SLC44A5: variants seen among roughly 807,000 people sequenced by gnomAD.
SLC44A5 encodes solute carrier family 44 member 5, also known as choline transporter-like protein 5.
Under a neutral mutation model 101.8 loss-of-function variants are expected in SLC44A5, and 57 were observed. The observed-to-expected ratio is 0.56, with a 90% CI of 0.45 to 0.70. SLC44A5 has a LOEUF of 0.70. Ranked by LOEUF, SLC44A5 falls within the 30% of genes least tolerant of loss-of-function variation. The probability of loss-of-function intolerance (pLI) is 0.00; values close to 1 mark genes in which losing one functional copy is unlikely to be tolerated. For synonymous variants in SLC44A5, 281 were observed against 290.9 expected (o/e 0.97, Z 0.35); for missense variants, 737 against 853.1 (o/e 0.86, Z 1.70).
chr1:75,711,899 C>G, the SLC44A5 span, among the ~76,000 whole-genome samples: 1 of 152,218 alleles, frequency 6.6e-6, no homozygotes, highest in African/African-American at 2.4e-5. Context: ...CACAAGAGTT[C>G]CATTAATATT....
At chr1:75,278,239 T>C (rs1652093226) in intron 5 of SLC44A5, among the ~76,000 whole-genome samples, 1 of 12,328 alleles carries the variant, frequency 8.1e-5, no homozygotes, top group Non-Finnish European at 2.1e-4. Context: ...AAATAAAATA[T>C]ATTAAGTTAT....
chr1:75,684,922 G>A, the SLC44A5 span, among the ~76,000 whole-genome samples: 228 of 152,330 alleles, frequency 1.5e-3, no homozygotes, highest in African/African-American at 5.3e-3. Flanking sequence ...CTTCCACACT[G>A]ACCTAGAAGA....
the SLC44A5 span, among the ~76,000 whole-genome samples, chr1:75,622,563 T>C: frequency 7.9e-5 from 12 of 152,072 alleles, no homozygotes; most frequent in Non-Finnish European, 1.5e-5. Flanking sequence ...AAGCTAGTTA[T>C]CTAATCATAT....
intron 1 of SLC44A5, among the ~76,000 whole-genome samples, chr1:75,573,914 C>T (rs920699045): frequency 6.6e-6 from 1 of 152,136 alleles, no homozygotes. Flanking sequence ...ATCTTCTACC[C>T]GAATATATTT....
chr1:75,683,077 A>C, the SLC44A5 span, among the ~76,000 whole-genome samples: 2 of 152,100 alleles, frequency 1.3e-5, no homozygotes, highest in African/African-American at 4.8e-5. Flanking sequence ...CACCAGTTAG[A>C]ATGGCAATCA....
chr1:75,247,462 T>C (rs985527077), intron 7 of SLC44A5, among the ~76,000 whole-genome samples: 1 of 152,058 alleles, frequency 6.6e-6, no homozygotes, highest in Non-Finnish European at 1.5e-5. Flanking sequence ...GGTCTGGAAC[T>C]CAAGGAGCAG....
chr1:75,385,424 A>C (rs1661247687), intron 3 of SLC44A5, among the ~76,000 whole-genome samples: 1 of 152,142 alleles, frequency 6.6e-6, no homozygotes, highest in Non-Finnish European at 1.5e-5. Flanking sequence ...AGAATACTAC[A>C]AATATCTCTA....
chr1:75,338,733 A>T (rs1202474145), intron 4 of SLC44A5, among the ~76,000 whole-genome samples: 3 of 152,220 alleles, frequency 2.0e-5, no homozygotes, highest in Non-Finnish European at 4.4e-5. Flanking sequence ...AACAAACTGA[A>T]TATACGTCTC....
At chr1:75,570,762 G>T (rs1473462601) in intron 1 of SLC44A5, among the ~76,000 whole-genome samples, 1 of 152,098 alleles carries the variant, frequency 6.6e-6, no homozygotes, top group Non-Finnish European at 1.5e-5. Flanking sequence ...AAGTAAGACT[G>T]CCTAAAACCA....
the SLC44A5 span, among the ~76,000 whole-genome samples, chr1:75,648,851 TTAG>T: frequency 6.6e-6 from 1 of 152,104 alleles, no homozygotes; most frequent in African/African-American, 2.4e-5. Context: ...CACTGTAATA[TTAG>T]TAGTGCCTAT....
intron 3 of SLC44A5, among the ~76,000 whole-genome samples, chr1:75,371,320 C>A (rs1416697029): frequency 6.6e-6 from 1 of 152,186 alleles, no homozygotes; most frequent in South Asian, 2.1e-4. Context: ...CTTCTCTATG[C>A]CTCAGTTTCC....
At chr1:75,223,023 T>C (rs933506225) in intron 13 of SLC44A5, among the ~76,000 whole-genome samples, 1 of 152,198 alleles carries the variant, frequency 6.6e-6, no homozygotes, top group African/African-American at 2.4e-5. Flanking sequence ...GGAACCTAGT[T>C]TAGTCAACTT....
At chr1:75,223,377 C>T (rs1035670449) in intron 13 of SLC44A5, among the ~76,000 whole-genome samples, 1 of 152,140 alleles carries the variant, frequency 6.6e-6, no homozygotes, top group African/African-American at 2.4e-5. Flanking sequence ...AGCCAAATAT[C>T]ATCAATTATT....
upstream of SLC44A5, among the ~76,000 whole-genome samples, chr1:75,611,487 G>A (rs539460118): frequency 2.6e-5 from 4 of 152,150 alleles, no homozygotes; most frequent in African/African-American, 9.6e-5. Flanking sequence ...TGAGACCCAA[G>A]AGCATGATTT....
At chr1:75,576,203 GAGAT>G (rs369264676) in intron 1 of SLC44A5, among the ~76,000 whole-genome samples, 53 of 151,908 alleles carry the variant, frequency 3.5e-4, no homozygotes, top group African/African-American at 7.2e-4. Context: ...ATAGAGATGA[GAGAT>G]AGATAGAGAT....
chr1:75,291,895 C>T (rs1653578356), intron 5 of SLC44A5, among the ~76,000 whole-genome samples: 1 of 151,618 alleles, frequency 6.6e-6, no homozygotes, highest in Admixed American at 6.6e-5. Context: ...ACCTGTAGTC[C>T]CAGCTACTTG....
At position 75,339,648 on chromosome 1, in the gene SLC44A5, A is replaced by C. The variant is rs760132589; in HGVS notation, c.53-18T>G. On this transcript the variant is annotated intron_variant, in intron 3 of 23. Coordinates refer to ENST00000370859, the MANE Select transcript of SLC44A5 (RefSeq NM_001130058.2). ...TGGATCACCTGCATTTAAAACAAAGACATTTTAAGCATATAAGCCAGCAAA... is the reference window on the plus strand; with the variant it reads ...TGGATCACCTGCATTTAAAACAAAGCCATTTTAAGCATATAAGCCAGCAAA... 1 of 1,603,164 alleles carries C rather than the reference A, an allele frequency of 6.2e-7. No homozygotes were observed. Among genetic ancestry groups the C allele is most frequent in the Non-Finnish European group, 8.5e-7 (1 of 1,174,248 alleles).
At chr1:75,321,908 CT>C (rs899096963) in intron 4 of SLC44A5, among the ~76,000 whole-genome samples, 1 of 152,168 alleles carries the variant, frequency 6.6e-6, no homozygotes, top group African/African-American at 2.4e-5. Flanking sequence ...GAGATGCAAA[CT>C]TTTTTGAATC....
intron 18 of SLC44A5, 125 bp from the exon 19 acceptor site, chr1:75,215,982 T>A: frequency 3.3e-6 from 2 of 597,664 alleles, no homozygotes; most frequent in South Asian, 2.2e-5. Context: ...ATACATAATA[T>A]AAAATTTGCC....
Sources: allele counts gnomAD v4.1 joint callset (sites outside exome capture counted in the v4.1 genomes callset), GRCh38; gene constraint gnomAD v4.1.1; transcripts MANE v1.5; gene names NCBI Gene and HGNC (gene_info 2026-07-23, HGNC 2026-07-21).